Variants in USP47 observed in about 807,000 individuals in gnomAD.
The protein encoded by USP47 is ubiquitin carboxyl-terminal hydrolase 47.
Under a neutral mutation model 165.1 loss-of-function variants are expected in USP47, and 35 were observed. That is an observed-to-expected ratio of 0.21 (90% confidence interval 0.16 to 0.28). The LOEUF (loss-of-function observed/expected upper bound fraction) is 0.28. USP47 is among the 10% of genes least tolerant of loss of function. The probability of loss-of-function intolerance (pLI) is 1.00; values close to 1 mark genes in which losing one functional copy is unlikely to be tolerated. For missense variants in USP47, 1,277 were observed against 1,607.4 expected, an observed-to-expected ratio of 0.79 and a Z score of 3.52; for synonymous variants, 531 against 544.5, an observed-to-expected ratio of 0.98 and a Z score of 0.35.
At position 11,937,679 on chromosome 11, in the gene USP47, G is replaced by T. The variant is rs555817710; in HGVS notation, c.2078-578G>T. Among the ~76,000 whole-genome samples, 8 of 150,754 alleles carry T rather than the reference G, an allele frequency of 5.3e-5. No homozygotes were observed. The East Asian group carries it at 1.6e-3, about 30-fold the overall frequency. Reference sequence around the variant, plus strand: ...AGAACTCTAAATGCAAGTGTGGATTGTAAGACTTATAAAGTAGTCTTTATT... The same window carrying T: ...AGAACTCTAAATGCAAGTGTGGATTTTAAGACTTATAAAGTAGTCTTTATT... On this transcript the variant is annotated intron_variant, in intron 17 of 27. Coordinates refer to ENST00000527733, the MANE Select transcript of USP47 (RefSeq NM_001282659.2).
At chr11:11,949,084 C>T (rs1260488871) in intron 22 of USP47, 1 of 152,496 alleles carries the variant, frequency 6.6e-6, no homozygotes, top group Non-Finnish European at 1.5e-5. Flanking sequence ...AAGATACAAG[C>T]ACTATTTCTT....
chr11:11,931,014 G>A (rs967937584), intron 14 of USP47, among the ~76,000 whole-genome samples: 11 of 152,068 alleles, frequency 7.2e-5, no homozygotes, highest in Non-Finnish European at 1.5e-4. Context: ...ATTATATTAT[G>A]TGCAGTCTGA....
chr11:11,890,430 A>C (rs550104704), intron 3 of USP47, among the ~76,000 whole-genome samples: 1 of 152,218 alleles, frequency 6.6e-6, no homozygotes, highest in Non-Finnish European at 1.5e-5. Flanking sequence ...GCAGCCAACA[A>C]ACATGAAAAA....
chr11:11,955,341 C>T (rs1465930358), intron 27 of USP47, among the ~76,000 whole-genome samples, 177 bp downstream of exon 27: 1 of 152,002 alleles, frequency 6.6e-6, no homozygotes, highest in Non-Finnish European at 1.5e-5. Context: ...ACATTAAAAA[C>T]AATAAAAAGA....
At chr11:11,916,080 T>C (rs1193644606) in intron 8 of USP47, among the ~76,000 whole-genome samples, 1 of 152,214 alleles carries the variant, frequency 6.6e-6, no homozygotes, top group African/African-American at 2.4e-5. Context: ...GAATAACCCG[T>C]ATTGTTTTTG....
chr11:11,936,991 G>A (rs1012288452), intron 17 of USP47, among the ~76,000 whole-genome samples: 12 of 151,690 alleles, frequency 7.9e-5, no homozygotes, highest in South Asian at 2.1e-4. Context: ...ACAATTTTTC[G>A]TCATCCTCTC....
At chr11:11,923,043 TATATATATATATATATATATA>T (rs1853963637) in intron 11 of USP47, 152 bp downstream of exon 11, 2 of 12,800 alleles carry the variant, frequency 1.6e-4, no homozygotes, top group South Asian at 0.012. Flanking sequence ...TTTTTGTACA[TATATATATATATATATATATA>T]TATATATATA....
Position 11,873,240 on chromosome 11 carries a change from T to G in USP47, c.40-6937T>G, listed in dbSNP as rs990929207. Among the ~76,000 whole-genome samples the G allele has an allele frequency of 1.5e-4, 23 of 152,054 alleles. 1 individual carries two copies. The highest frequency in any genetic ancestry group is 2.9e-5 in the Non-Finnish European group (2 of 67,978). The stretch of plus-strand genomic sequence containing the variant: ...TAAGACAAAATATGTACAGAAAAAG[T>G]GTAGAGTGATGTAAAATCAAGATTT... On this transcript the variant is annotated intron_variant, in intron 1 of 27. Transcript: ENST00000527733.
chr11:11,926,735 C>G (rs1483573983), intron 11 of USP47, among the ~76,000 whole-genome samples: 3 of 150,968 alleles, frequency 2.0e-5, no homozygotes, highest in African/African-American at 7.3e-5. Flanking sequence ...TTTTTACATC[C>G]CTCCTTCCCA....
At chr11:11,948,334 G>T in intron 21 of USP47, 144 bp from the exon 22 acceptor site, 1 of 826,992 alleles carries the variant, frequency 1.2e-6, no homozygotes, top group Admixed American at 2.9e-5. Context: ...ACTATTCTAG[G>T]TGCTGGGGAT....
At chr11:11,937,135 TC>T (rs1855128728) in intron 17 of USP47, among the ~76,000 whole-genome samples, 1 of 151,916 alleles carries the variant, frequency 6.6e-6, no homozygotes, top group Admixed American at 6.6e-5. Context: ...CCCCTAGTTT[TC>T]CCAGAGACAG....
At chr11:11,920,311 A>C in intron 9 of USP47, 31 bp from the exon 10 acceptor site, 3 of 1,602,702 alleles carry the variant, frequency 1.9e-6, no homozygotes, top group Non-Finnish European at 2.6e-6. Flanking sequence ...TATTCAATAG[A>C]CTCTCCCCCT....
intron 2 of USP47, among the ~76,000 whole-genome samples, chr11:11,883,726 C>T (rs956819273): frequency 8.5e-5 from 13 of 152,196 alleles, no homozygotes; most frequent in African/African-American, 2.7e-4. Context: ...AGTTTCCTCT[C>T]TCATCCACCA....
chr11:11,880,156 A>T (rs1173759625), intron 1 of USP47, 21 bp from the exon 2 acceptor site: 2 of 1,438,814 alleles, frequency 1.4e-6, no homozygotes, highest in Non-Finnish European at 1.8e-6. Context: ...ATATAAAGTC[A>T]TATTTTTCTT....
At chr11:11,874,252 C>T (rs1403216123) in intron 1 of USP47, among the ~76,000 whole-genome samples, 1 of 152,194 alleles carries the variant, frequency 6.6e-6, no homozygotes, top group Non-Finnish European at 1.5e-5. Flanking sequence ...GCACTACAGA[C>T]TTAAACTTCC....
chr11:11,858,125 T>C (rs1268621104), intron 1 of USP47, among the ~76,000 whole-genome samples: 1 of 152,194 alleles, frequency 6.6e-6, no homozygotes, highest in Non-Finnish European at 1.5e-5. Context: ...ATTAGTGGAG[T>C]GTACTTTCGT....
intron 5 of USP47, among the ~76,000 whole-genome samples, chr11:11,899,335 A>G (rs1440284223): frequency 6.6e-6 from 1 of 152,204 alleles, no homozygotes; most frequent in Non-Finnish European, 1.5e-5. Flanking sequence ...ACAGCACTGT[A>G]GAGGAAATTA....
At chr11:11,907,257 A>T (rs528120643) in intron 8 of USP47, among the ~76,000 whole-genome samples, 1 of 152,168 alleles carries the variant, frequency 6.6e-6, no homozygotes, top group African/African-American at 2.4e-5. Flanking sequence ...CTGATGATAC[A>T]TGGGTGGTAG....
At chr11:11,864,395 T>A in intron 1 of USP47, among the ~76,000 whole-genome samples, 1 of 152,152 alleles carries the variant, frequency 6.6e-6, no homozygotes. Flanking sequence ...ACATTTACTG[T>A]CTTAACTGTC....
Sources: gnomAD v4.1 joint callset for allele counts (sites outside exome capture counted in the v4.1 genomes callset) on GRCh38, gnomAD v4.1.1 for gene constraint, MANE v1.5 for transcripts, NCBI Gene and HGNC (gene_info 2026-07-23, HGNC 2026-07-21) for gene names.